Variants in PDK2 observed in about 807,000 individuals in gnomAD.
PDK2 encodes the protein pyruvate dehydrogenase kinase 2.
In PDK2, 34 loss-of-function variants were observed where a neutral mutation model predicts 50.4. That is an observed-to-expected ratio of 0.68 (90% CI 0.51 to 0.90). The LOEUF (loss-of-function observed/expected upper bound fraction) is 0.90, where lower values mean the gene tolerates loss of function less well. Ranked by LOEUF, PDK2 falls within the 40% of genes least tolerant of loss-of-function variation. The pLI is 0.00. For missense variants in PDK2, 377 were observed against 544.5 expected, an observed-to-expected ratio of 0.69 and a Z score of 3.06; for synonymous variants, 232 against 216.0, an observed-to-expected ratio of 1.07 and a Z score of -0.65.
chr17:50,103,255 G>A (rs1391335569), intron 2 of PDK2, among the ~76,000 whole-genome samples: 1 of 152,174 alleles, frequency 6.6e-6, no homozygotes, highest in East Asian at 1.9e-4. Flanking sequence ...ATCGGGCTCT[G>A]TGCAGAGCTC....
Position 50,107,169 on chromosome 17 carries a change from T to A in PDK2, c.685+16T>A. ...GAGATCAATGGTGAGTGAGCGGGGC[T>A]GTGTATGTGTCTGTCTTGGGGCTGG... On this transcript the variant is annotated intron_variant, in intron 6 of 10. Coordinates refer to ENST00000503176, the MANE Select transcript of PDK2 (RefSeq NM_002611.5). 1 of 1,609,232 alleles carries A rather than the reference T, an allele frequency of 6.2e-7. No homozygotes were observed.
chr17:50,098,150 G>T (rs1208106503), intron 2 of PDK2, among the ~76,000 whole-genome samples: 1 of 152,236 alleles, frequency 6.6e-6, no homozygotes. Flanking sequence ...AAGAACTCAA[G>T]TTAAGTAACT....
In PDK2 at chr17:50,109,380, G is replaced by C; in HGVS notation, c.1063G>C (p.Asp355His). 1 of 1,610,936 alleles carries C rather than the reference G, an allele frequency of 6.2e-7. No individual in the cohort carries two copies. The highest frequency in any genetic ancestry group is 1.1e-5 in the South Asian group (1 of 90,842). ...QLFSMEGFGT[D>H]AVIYLKALST... ...CTTCTCCATGGAAGGCTTTGGGACC[G>C]ATGCTGTCATCTATCTCAAGGTGAG... The change falls in exon 10 of 11, where the codon GAT (aspartate) becomes CAT (histidine). Residue 355 changes from aspartate to histidine, a missense_variant. Coordinates refer to ENST00000503176, the MANE Select transcript of PDK2 (RefSeq NM_002611.5). This position sits in a 1 kb window ranked among gnomAD's most constrained non-coding sequence, Gnocchi z 5.0.
At chr17:50,103,867 G>A (rs912357733) in intron 2 of PDK2, among the ~76,000 whole-genome samples, 5 of 152,106 alleles carry the variant, frequency 3.3e-5, no homozygotes, top group Non-Finnish European at 7.4e-5. Context: ...GGCTGCTTAC[G>A]CCTCCCTGGG....
At chr17:50,103,866 C>T (rs199677796) in intron 2 of PDK2, among the ~76,000 whole-genome samples, 4 of 152,154 alleles carry the variant, frequency 2.6e-5, no homozygotes, top group African/African-American at 4.8e-5. Flanking sequence ...GGGCTGCTTA[C>T]GCCTCCCTGG....
intron 1 of PDK2, chr17:50,096,336 G>A (rs1287746974): frequency 1.2e-5 from 12 of 980,238 alleles, no homozygotes; most frequent in Non-Finnish European, 1.5e-5. Context: ...GGGGCAGGAG[G>A]GAGGCTGTGC....
rs992525634 is a variant in PDK2 at position 50,109,159 on chromosome 17, C to T, written c.970-128C>T. On this transcript the variant is annotated intron_variant, in intron 9 of 10. Transcript: ENST00000503176. This position sits in a 1 kb window ranked among gnomAD's most constrained non-coding sequence, Gnocchi z 5.0. ...CCTCAGTGTCCCCTCCCACATGTCC[C>T]CTCCCAGCTCTGGGACCCCTGCCAT... The T allele has an allele frequency of 4.9e-6, 3 of 610,550 alleles. No individual in the cohort carries two copies. In the Admixed American group the frequency reaches 8.6e-5, roughly 18 times the overall value. 37.8% of individuals were successfully genotyped at this position (610,550 alleles called of 1,614,324 possible).
rs781263409 is a variant in PDK2 at position 50,106,790 on chromosome 17, G to A, written c.518-4G>A. 1.7e-5 allele frequency: 28 copies of A among 1,613,640 alleles called. No individual in the cohort carries two copies. The highest frequency in any genetic ancestry group is 2.2e-5 in the South Asian group (2 of 91,090). ...CCAACAGCATCCTCCCTTCCTGCCTGCAGCCCTCATCTTTGATGGCAGCAC... is the reference window on the plus strand; with the variant it reads ...CCAACAGCATCCTCCCTTCCTGCCTACAGCCCTCATCTTTGATGGCAGCAC... On this transcript the variant is annotated splice_polypyrimidine_tract_variant and splice_region_variant and intron_variant, in intron 4 of 10. Coordinates refer to ENST00000503176, the MANE Select transcript of PDK2 (RefSeq NM_002611.5).
chr17:50,097,651 C>T (rs1206195022), intron 2 of PDK2, 87 bp downstream of exon 2: 1 of 1,513,828 alleles, frequency 6.6e-7, no homozygotes, highest in East Asian at 2.3e-5. Flanking sequence ...CTTTTAGCAG[C>T]TTTGAGGGTG....
Position 50,101,499 on chromosome 17 carries a change from G to A in PDK2, c.261-3872G>A, listed in dbSNP as rs1464952086. 2.6e-5 allele frequency among the ~76,000 whole-genome samples: 4 copies of A among 152,076 alleles called. No individual in the cohort carries two copies. The highest frequency in any genetic ancestry group is 2.9e-5 in the Non-Finnish European group (2 of 67,998). ...CCGCCACCTCTCCCCCAAGTGCAGCGAGCACCCTCCTCCCCAGCCTTTGCC... is the reference window on the plus strand; with the variant it reads ...CCGCCACCTCTCCCCCAAGTGCAGCAAGCACCCTCCTCCCCAGCCTTTGCC... On this transcript the variant is annotated intron_variant, in intron 2 of 10. Coordinates refer to ENST00000503176, the MANE Select transcript of PDK2 (RefSeq NM_002611.5). This position sits in a 1 kb window ranked among gnomAD's most constrained non-coding sequence, Gnocchi z 4.2.
intron 6 of PDK2, among the ~76,000 whole-genome samples, chr17:50,107,656 T>C (rs557021412): frequency 2.6e-5 from 4 of 152,290 alleles, no homozygotes; most frequent in South Asian, 2.1e-4. Flanking sequence ...CTCGTGGACC[T>C]TACATTTTTG....
At chr17:50,099,565 G>A (rs1187869947) in intron 2 of PDK2, among the ~76,000 whole-genome samples, 5 of 152,006 alleles carry the variant, frequency 3.3e-5, no homozygotes, top group East Asian at 1.9e-4. Flanking sequence ...AGGCCGAGGC[G>A]GGCGGATCAC....
intron 1 of PDK2, 36 bp from the exon 2 acceptor site, chr17:50,097,387 T>C: frequency 6.2e-7 from 1 of 1,609,488 alleles, no homozygotes; most frequent in Non-Finnish European, 8.5e-7. Context: ...TTTCATAGTC[T>C]GTGGCTCTGT....
At chr17:50,097,975 T>C (rs1390552841) in intron 2 of PDK2, among the ~76,000 whole-genome samples, 1 of 152,158 alleles carries the variant, frequency 6.6e-6, no homozygotes, top group Non-Finnish European at 1.5e-5. Context: ...TTCAAATACA[T>C]TATATAACCC....
rs901012284 is a variant in PDK2 at position 50,103,247 on chromosome 17, C to T, written c.261-2124C>T. The stretch of plus-strand genomic sequence containing the variant: ...CATCAGCAGCCACAGCTCCTCCTAT[C>T]GGGCTCTGTGCAGAGCTCTGGGTAG... On this transcript the variant is annotated intron_variant, in intron 2 of 10. Coordinates refer to ENST00000503176, the MANE Select transcript of PDK2 (RefSeq NM_002611.5). 3.3e-5 allele frequency among the ~76,000 whole-genome samples: 5 copies of T among 152,128 alleles called. No individual in the cohort carries two copies. In the East Asian group the frequency reaches 7.7e-4, roughly 23 times the overall value.
At chr17:50,098,270 A>G (rs1028478019) in intron 2 of PDK2, among the ~76,000 whole-genome samples, 12 of 152,122 alleles carry the variant, frequency 7.9e-5, no homozygotes, top group African/African-American at 2.9e-4. Flanking sequence ...CCTTGCAGAA[A>G]TCTTGGGCTG....
chr17:50,096,881 A>G (rs1386205885), intron 1 of PDK2, among the ~76,000 whole-genome samples: 1 of 151,954 alleles, frequency 6.6e-6, no homozygotes, highest in Non-Finnish European at 1.5e-5. Flanking sequence ...AGGCATTTGG[A>G]CTCCTGTTCT....
intron 2 of PDK2, among the ~76,000 whole-genome samples, chr17:50,102,729 C>T (rs1010161677): frequency 6.6e-6 from 1 of 152,130 alleles, no homozygotes; most frequent in African/African-American, 2.4e-5. Context: ...TTAACTTCCT[C>T]ATCTGTAAAA....
At chr17:50,105,542 A>ACC in intron 3 of PDK2, 100 bp downstream of exon 3, 1 of 968,308 alleles carries the variant, frequency 1.0e-6, no homozygotes, top group Non-Finnish European at 1.6e-6. Flanking sequence ...GGAAGAAAAG[A>ACC]CCCCTGCCTT....
Sources: allele counts gnomAD v4.1 joint callset (sites outside exome capture counted in the v4.1 genomes callset), GRCh38; gene constraint gnomAD v4.1.1; non-coding constraint Gnocchi (gnomAD v3.1); transcripts MANE v1.5; gene names NCBI Gene and HGNC (gene_info 2026-07-23, HGNC 2026-07-21).